The following IQGAP2 variants were observed in gnomAD, a reference collection of about 807,000 sequenced individuals.
The protein encoded by IQGAP2 is ras GTPase-activating-like protein IQGAP2.
Under a neutral mutation model 201.3 loss-of-function variants are expected in IQGAP2, and 173 were observed. The ratio of observed to expected loss-of-function variants is 0.86; its 90% confidence interval spans 0.76 to 0.98. The LOEUF (loss-of-function observed/expected upper bound fraction) is 0.98, where lower values mean the gene tolerates loss of function less well. Ranked by LOEUF, IQGAP2 falls within the 50% of genes least tolerant of loss-of-function variation. The pLI is 0.00. For missense variants in IQGAP2, 1,687 were observed against 1,864.8 expected, an observed-to-expected ratio of 0.90 and a Z score of 1.76; for synonymous variants, 675 against 673.9, an observed-to-expected ratio of 1.00 and a Z score of -0.03.
At chr5:76,423,086 T>C (rs1421886491) in intron 1 of IQGAP2, among the ~76,000 whole-genome samples, 1 of 152,208 alleles carries the variant, frequency 6.6e-6, no homozygotes, top group Admixed American at 6.5e-5. Context: ...TACTCTGTCT[T>C]CTGAGTAAAG....
intron 2 of IQGAP2, among the ~76,000 whole-genome samples, chr5:76,469,164 C>T (rs367775166): frequency 8.5e-5 from 13 of 152,172 alleles, no homozygotes; most frequent in East Asian, 5.8e-4. Context: ...AAGTCCTTCC[C>T]GACAGGTTTG....
chr5:76,605,663 C>T (rs1425757923), intron 11 of IQGAP2, among the ~76,000 whole-genome samples: 1 of 152,180 alleles, frequency 6.6e-6, no homozygotes, highest in Admixed American at 6.6e-5. Flanking sequence ...TTATCTGATT[C>T]CTCAGTGTCA....
rs112778376 is a variant in IQGAP2 at position 76,480,587 on chromosome 5, T to C, written c.146+18918T>C. ...TAGCAGATGGAGGAAGCTCAGTGTTTTTGTGTCTCATATACATAGGCAACT... is the reference window on the plus strand; with the variant it reads ...TAGCAGATGGAGGAAGCTCAGTGTTCTTGTGTCTCATATACATAGGCAACT... On this transcript the variant is annotated intron_variant, in intron 2 of 35. Transcript: ENST00000274364. Among the ~76,000 whole-genome samples, 1,323 of 152,270 alleles carry C rather than the reference T, an allele frequency of 8.7e-3. 23 individuals are homozygous for C. Among genetic ancestry groups the C allele is most frequent in the African/African-American group, 0.03 (1,258 of 41,560 alleles).
In IQGAP2 at chr5:76,654,266, G is replaced by A; in HGVS notation, c.2245G>A (p.Asp749Asn). The A allele has an allele frequency of 6.2e-7, 1 of 1,601,870 alleles. No homozygotes were observed. Among genetic ancestry groups the A allele is most frequent in the Non-Finnish European group, 8.5e-7 (1 of 1,172,162 alleles). Reference protein sequence around the residue: ...SYLSRLQYFRDHNNEIVKIQS... With the variant: ...SYLSRLQYFRNHNNEIVKIQS... ...TCTTTCAAGACTACAGTATTTCAGA[G>A]ATCATGTAAGAAAAATGCCTGTGGG... Residue 749 changes from aspartate to asparagine, a missense_variant, in exon 19 of 36, where the codon GAT (aspartate) becomes AAT (asparagine). Asp to Asn is a conservative substitution (Grantham distance 23, BLOSUM62 1). Transcript: ENST00000274364.
intron 2 of IQGAP2, among the ~76,000 whole-genome samples, chr5:76,521,846 A>G (rs1758700122): frequency 6.6e-6 from 1 of 152,182 alleles, no homozygotes. Context: ...GAGAATTTAC[A>G]TTTTGAATAA....
At chr5:76,659,008 T>G (rs942065104) in intron 21 of IQGAP2, among the ~76,000 whole-genome samples, 3 of 152,218 alleles carry the variant, frequency 2.0e-5, no homozygotes, top group South Asian at 4.1e-4. Flanking sequence ...TATAATCTTA[T>G]AGGACTTATG....
chr5:76,668,676 T>C lies in IQGAP2; in HGVS notation c.2680-5T>C, dbSNP rs199781834. ...TTTGTTTTCTTTTTCCTTCTTTCCTTCTAGACCAACCCTTTATACTTGGCT... is the reference window on the plus strand; with the variant it reads ...TTTGTTTTCTTTTTCCTTCTTTCCTCCTAGACCAACCCTTTATACTTGGCT... On this transcript the variant is annotated splice_region_variant and splice_polypyrimidine_tract_variant and intron_variant, in intron 22 of 35. Transcript: ENST00000274364. 31 of 1,603,472 alleles carry C rather than the reference T, an allele frequency of 1.9e-5. No homozygotes were observed. The African/African-American group carries it at 3.8e-4, about 19-fold the overall frequency.
intron 5 of IQGAP2, among the ~76,000 whole-genome samples, chr5:76,581,840 A>G (rs1745872388): frequency 6.6e-6 from 1 of 152,216 alleles, no homozygotes; most frequent in African/African-American, 2.4e-5. Flanking sequence ...TCAGTAAATA[A>G]AACTATTTCA....
At chr5:76,480,280 A>AGG (rs1755695145) in intron 2 of IQGAP2, among the ~76,000 whole-genome samples, 1 of 152,164 alleles carries the variant, frequency 6.6e-6, no homozygotes, top group Admixed American at 6.5e-5. Flanking sequence ...GATGGAGCTG[A>AGG]GCTCAAGGGA....
intron 2 of IQGAP2, among the ~76,000 whole-genome samples, chr5:76,494,855 C>T (rs763288347): frequency 2.0e-5 from 3 of 152,088 alleles, no homozygotes; most frequent in Non-Finnish European, 4.4e-5. Flanking sequence ...ATGTGCAAAC[C>T]TTTGGATAAC....
rs112565269 is a variant in IQGAP2 at position 76,697,922 on chromosome 5, C to A, written c.4207-65C>A. ...ACTACTGCTTGATATTCTTCTTGTC[C>A]CAAACTGGCAATATCATAAAGCAAA... On this transcript the variant is annotated intron_variant, in intron 32 of 35. Coordinates refer to ENST00000274364, the MANE Select transcript of IQGAP2 (RefSeq NM_006633.5). The A allele has an allele frequency of 7.0e-6, 9 of 1,277,866 alleles. No homozygotes were observed. The African/African-American group carries it at 9.0e-5, about 13-fold the overall frequency. 79.2% of individuals were successfully genotyped at this position (1,277,866 alleles called of 1,614,324 possible). A position where few individuals can be genotyped will look rare whatever the true frequency, so the allele number is the denominator to read the frequency against.
intron 35 of IQGAP2, among the ~76,000 whole-genome samples, chr5:76,705,223 C>G (rs1373998193): frequency 6.6e-6 from 1 of 152,198 alleles, no homozygotes; most frequent in African/African-American, 2.4e-5. Flanking sequence ...AGTCCACTGC[C>G]TGTCTCATAG....
intron 2 of IQGAP2, chr5:76,510,415 T>C (rs147880810): frequency 2.4e-4 from 65 of 273,000 alleles, no homozygotes; most frequent in African/African-American, 1.2e-3. Flanking sequence ...GTGATGACGG[T>C]GCAGGGCCCA....
chr5:76,655,294 A>G (rs1752825225), intron 20 of IQGAP2, among the ~76,000 whole-genome samples: 1 of 152,110 alleles, frequency 6.6e-6, no homozygotes, highest in Non-Finnish European at 1.5e-5. Flanking sequence ...AATCTAAGCG[A>G]GAGTCAAAAA....
intron 2 of IQGAP2, among the ~76,000 whole-genome samples, chr5:76,464,068 G>A (rs1343696628): frequency 6.6e-6 from 1 of 151,926 alleles, no homozygotes; most frequent in Non-Finnish European, 1.5e-5. Flanking sequence ...GGCTGGTCTC[G>A]AACTCCTGAC....
chr5:76,646,386 G>A (rs1027762274), intron 17 of IQGAP2, among the ~76,000 whole-genome samples: 4 of 152,116 alleles, frequency 2.6e-5, no homozygotes, highest in African/African-American at 9.7e-5. Flanking sequence ...ATCATTTAAT[G>A]TGTGAACACA....
chr5:76,429,584 A>ATATATATATATATATATATT (rs1312866749), intron 1 of IQGAP2, among the ~76,000 whole-genome samples: 1 of 125,134 alleles, frequency 8.0e-6, no homozygotes. Flanking sequence ...AAAAAAATTT[A>ATATATATATATATATATATT]TATATATATA....
Position 76,437,245 on chromosome 5 carries a change from G to A in IQGAP2, c.47-24325G>A, listed in dbSNP as rs528294107. ...TTTTTATATTTTTAGTAGAGATGGG[G>A]TTTTGCCACATTGCCTAGGTTGGTC... On this transcript the variant is annotated intron_variant, in intron 1 of 35. Coordinates refer to ENST00000274364, the MANE Select transcript of IQGAP2 (RefSeq NM_006633.5). Among the ~76,000 whole-genome samples, 104 of 151,756 alleles carry A rather than the reference G, an allele frequency of 6.9e-4. 1 individual carries two copies. The highest frequency in any genetic ancestry group is 6.8e-3 in the Middle Eastern group (2 of 294).
chr5:76,588,238 G>A (rs1580529869), intron 5 of IQGAP2, among the ~76,000 whole-genome samples: 1 of 152,174 alleles, frequency 6.6e-6, no homozygotes, highest in Admixed American at 6.5e-5. Context: ...TAAAAGTGGG[G>A]AAAGCACATA....
Sources: gnomAD v4.1 joint callset for allele counts (sites outside exome capture counted in the v4.1 genomes callset) on GRCh38, gnomAD v4.1.1 for gene constraint, MANE v1.5 for transcripts, NCBI Gene and HGNC (gene_info 2026-07-23, HGNC 2026-07-21) for gene names.